Variants in CHN2 observed in about 807,000 individuals in gnomAD.
CHN2 encodes chimerin 2.
A neutral mutation model predicts 56.3 loss-of-function variants in CHN2; 35 were observed. The observed-to-expected ratio is 0.62, with a 90% CI of 0.47 to 0.82. The LOEUF (loss-of-function observed/expected upper bound fraction) is 0.82, where lower values mean the gene tolerates loss of function less well. Among genes scored for constraint, CHN2 ranks in the 40% least tolerant of loss-of-function variants. The probability of loss-of-function intolerance (pLI) is 0.00; values close to 1 mark genes in which losing one functional copy is unlikely to be tolerated. For synonymous variants in CHN2, 210 were observed against 212.8 expected (o/e 0.99, Z 0.12); for missense variants, 491 against 580.5 (o/e 0.85, Z 1.58).
intron 1 of CHN2, among the ~76,000 whole-genome samples, chr7:29,201,592 G>T (rs545514913): frequency 6.6e-6 from 1 of 152,292 alleles, no homozygotes; most frequent in African/African-American, 2.4e-5. Context: ...TAGCTGTGTT[G>T]TCCAGTATGG....
At chr7:29,154,489 T>C (rs1201930518) in intron 2 of CHN2, among the ~76,000 whole-genome samples, 1 of 152,202 alleles carries the variant, frequency 6.6e-6, no homozygotes, top group East Asian at 1.9e-4. Flanking sequence ...ATGACACTTC[T>C]TATACTCTAG....
At chr7:29,492,393 T>A (rs1323508511) in intron 7 of CHN2, among the ~76,000 whole-genome samples, 1 of 152,196 alleles carries the variant, frequency 6.6e-6, no homozygotes, top group African/African-American at 2.4e-5. Context: ...AGCTTTTTTT[T>A]AATCTGAATA....
intron 6 of CHN2, among the ~76,000 whole-genome samples, chr7:29,410,956 A>G (rs1457973720): frequency 2.0e-5 from 3 of 152,234 alleles, no homozygotes; most frequent in Non-Finnish European, 4.4e-5. Context: ...CCCTAGCCAC[A>G]TTAAAAATTC....
intron 6 of CHN2, among the ~76,000 whole-genome samples, chr7:29,462,947 A>G (rs1266909425): frequency 8.4e-6 from 1 of 119,498 alleles, no homozygotes; most frequent in Non-Finnish European, 1.6e-5. Context: ...GAAGTAAGTT[A>G]CAAGTTTATC....
At chr7:29,451,312 C>T (rs940551028) in intron 6 of CHN2, among the ~76,000 whole-genome samples, 5 of 152,054 alleles carry the variant, frequency 3.3e-5, no homozygotes, top group Non-Finnish European at 5.9e-5. Context: ...GGTAAAGTTC[C>T]GTGTGAATTG....
intron 6 of CHN2, among the ~76,000 whole-genome samples, chr7:29,461,899 A>G (rs1785197127): frequency 6.6e-6 from 1 of 152,128 alleles, no homozygotes; most frequent in South Asian, 2.1e-4. Context: ...CAAAGTGCCT[A>G]CAGCAGTGTC....
intron 1 of CHN2, among the ~76,000 whole-genome samples, chr7:29,312,090 G>A (rs1794642897): frequency 6.6e-6 from 1 of 152,158 alleles, no homozygotes; most frequent in African/African-American, 2.4e-5. Context: ...TCATATCAGA[G>A]CTCTGTAACT....
intron 1 of CHN2, chr7:29,289,137 G>C (rs1012471783): frequency 6.6e-5 from 10 of 152,232 alleles, no homozygotes; most frequent in African/African-American, 2.4e-4. Flanking sequence ...GTGCTTATTT[G>C]CAAGTAAGTA....
intron 1 of CHN2, among the ~76,000 whole-genome samples, chr7:29,237,433 C>T (rs1008749073): frequency 6.6e-6 from 1 of 152,094 alleles, no homozygotes; most frequent in Admixed American, 6.6e-5. Context: ...CTTTTCAACA[C>T]GTGTTTGTCT....
At chr7:29,173,797 C>T (rs59148785) in intron 2 of CHN2, among the ~76,000 whole-genome samples, 22 of 150,228 alleles carry the variant, frequency 1.5e-4, no homozygotes, top group African/African-American at 4.9e-4. Context: ...AAAAATTAGT[C>T]GAGTGTGGTG....
intron 2 of CHN2, among the ~76,000 whole-genome samples, chr7:29,151,999 T>G (rs1793658897): frequency 6.6e-6 from 1 of 152,194 alleles, no homozygotes; most frequent in African/African-American, 2.4e-5. Flanking sequence ...CTTGTTTAGG[T>G]TTTATTTTAT....
intron 3 of CHN2, among the ~76,000 whole-genome samples, chr7:29,370,771 C>T (rs1255195459): frequency 6.6e-6 from 1 of 152,156 alleles, no homozygotes; most frequent in Non-Finnish European, 1.5e-5. Flanking sequence ...GGCCAGTCTG[C>T]CTTGATACAT....
intron 1 of CHN2, among the ~76,000 whole-genome samples, chr7:29,240,321 C>T (rs1787553776): frequency 6.6e-6 from 1 of 152,194 alleles, no homozygotes; most frequent in East Asian, 1.9e-4. Context: ...CCCTTCCCTC[C>T]AGTGTTGTAT....
At chr7:29,293,104 G>A in intron 1 of CHN2, 1 of 434,834 alleles carries the variant, frequency 2.3e-6, no homozygotes, top group Non-Finnish European at 4.7e-6. Flanking sequence ...GTCTGGATTG[G>A]CAGCACTCGT....
intron 1 of CHN2, among the ~76,000 whole-genome samples, chr7:29,242,493 G>A (rs1787758134): frequency 6.6e-6 from 1 of 151,974 alleles, no homozygotes; most frequent in South Asian, 2.1e-4. Flanking sequence ...CATCTTTAAG[G>A]CATCAGCCGT....
chr7:29,190,464 G>T (rs889812028), upstream of CHN2, among the ~76,000 whole-genome samples: 1 of 152,170 alleles, frequency 6.6e-6, no homozygotes, highest in African/African-American at 2.4e-5. Context: ...TGACAGCCAC[G>T]TTCACCCTGC....
At chr7:29,442,884 T>G (rs17157989) in intron 6 of CHN2, among the ~76,000 whole-genome samples, 9,421 of 151,086 alleles carry the variant, frequency 0.062, 487 homozygotes, top group African/African-American at 0.14. Context: ...TTATTCCATT[T>G]CTATGATTTT....
chr7:29,227,238 G>C (rs770309702), intron 1 of CHN2, among the ~76,000 whole-genome samples: 1 of 152,174 alleles, frequency 6.6e-6, no homozygotes, highest in Non-Finnish European at 1.5e-5. Flanking sequence ...GCCTTGCTGG[G>C]CACTGCAGCC....
intron 6 of CHN2, among the ~76,000 whole-genome samples, chr7:29,421,595 T>C (rs1804353870): frequency 6.6e-6 from 1 of 152,224 alleles, no homozygotes; most frequent in Non-Finnish European, 1.5e-5. Context: ...TCCAAAGGGA[T>C]TCATCCAATG....
Sources: allele counts gnomAD v4.1 joint callset (sites outside exome capture counted in the v4.1 genomes callset), GRCh38; gene constraint gnomAD v4.1.1; transcripts MANE v1.5; gene names NCBI Gene and HGNC (gene_info 2026-07-23, HGNC 2026-07-21).